RNF38: variants seen among roughly 807,000 people sequenced by gnomAD.
RNF38 encodes the protein ring finger protein 38.
In RNF38, 15 loss-of-function variants were observed where a neutral mutation model predicts 67.2. The ratio of observed to expected loss-of-function variants is 0.22; its 90% confidence interval spans 0.15 to 0.34. The LOEUF (loss-of-function observed/expected upper bound fraction) is 0.34, where lower values mean the gene tolerates loss of function less well. RNF38 is among the 10% of genes least tolerant of loss of function. The pLI is 1.00. For missense variants in RNF38, 524 were observed against 639.9 expected, an observed-to-expected ratio of 0.82 and a Z score of 1.95; for synonymous variants, 220 against 218.8, an observed-to-expected ratio of 1.01 and a Z score of -0.05.
chr9:36,396,973 A>G (rs1044777984), intron 1 of RNF38, among the ~76,000 whole-genome samples: 2 of 149,752 alleles, frequency 1.3e-5, no homozygotes, highest in Non-Finnish European at 3.0e-5. Flanking sequence ...AAAAAAAATC[A>G]TTCTCTCACT....
rs566701796 is a variant in RNF38 at position 36,360,891 on chromosome 9, G to A, written c.571-2949C>T. Among the ~76,000 whole-genome samples the A allele has an allele frequency of 3.3e-5, 5 of 151,922 alleles. No homozygotes were observed. In the East Asian group the frequency reaches 9.7e-4, roughly 29 times the overall value. On this transcript the variant is annotated intron_variant, in intron 4 of 11. Coordinates refer to ENST00000259605, the MANE Select transcript of RNF38 (RefSeq NM_022781.5). ...AGTGGTGCCATCACGGCTCACCATAGCCTCAATCTCCTGGGGCTCAGGTGA... is the reference window on the plus strand; with the variant it reads ...AGTGGTGCCATCACGGCTCACCATAACCTCAATCTCCTGGGGCTCAGGTGA...
chr9:36,418,846 C>T (rs1459707445), intron 2 of RNF38, among the ~76,000 whole-genome samples: 1 of 151,940 alleles, frequency 6.6e-6, no homozygotes, highest in Non-Finnish European at 1.5e-5. Context: ...GCCTGTAATC[C>T]CAGCTACTCG....
chr9:36,342,112 A>G (rs775842816), intron 11 of RNF38, among the ~76,000 whole-genome samples: 1 of 152,170 alleles, frequency 6.6e-6, no homozygotes, highest in Non-Finnish European at 1.5e-5. Context: ...CTGATTGTCA[A>G]GAGGTCATCC....
intron 2 of RNF38, among the ~76,000 whole-genome samples, chr9:36,414,214 T>C (rs1296776216): frequency 6.6e-6 from 1 of 152,228 alleles, no homozygotes; most frequent in East Asian, 1.9e-4. Context: ...CTGTATTCTT[T>C]GTGGAGCATT....
intron 1 of RNF38, among the ~76,000 whole-genome samples, chr9:36,477,322 G>GAA (rs760684192): frequency 1.8e-4 from 23 of 127,276 alleles, no homozygotes; most frequent in Non-Finnish European, 3.8e-4. Context: ...GACTCGTCTG[G>GAA]AAAAAAAAAA....
intron 2 of RNF38, among the ~76,000 whole-genome samples, chr9:36,424,188 G>C (rs1838710572): frequency 6.6e-6 from 1 of 152,064 alleles, no homozygotes; most frequent in South Asian, 2.1e-4. Flanking sequence ...TTTTTTGAAG[G>C]TAAAGTATAA....
chr9:36,454,133 T>TC (rs989070403), intron 1 of RNF38, among the ~76,000 whole-genome samples: 7 of 152,082 alleles, frequency 4.6e-5, no homozygotes, highest in Non-Finnish European at 8.8e-5. Flanking sequence ...TCATACTTTT[T>TC]TTTTTTTTGA....
chr9:36,475,756 G>A lies in RNF38; in HGVS notation n.241+11552C>T, dbSNP rs955492829. Among the ~76,000 whole-genome samples the A allele has an allele frequency of 8.7e-5, 13 of 149,790 alleles. 1 individual carries two copies. Among genetic ancestry groups the A allele is most frequent in the East Asian group, 4.1e-4 (2 of 4,888 alleles). On this transcript the variant is annotated intron_variant and non_coding_transcript_variant, in intron 1 of 3. Coordinates refer to the RNF38 transcript ENST00000488058. ...AAACTAGCCGGGTGCGGTGGCTCACGCCTGTAATCCCAGCACTTTGGGAGG... is the reference window on the plus strand; with the variant it reads ...AAACTAGCCGGGTGCGGTGGCTCACACCTGTAATCCCAGCACTTTGGGAGG...
chr9:36,451,688 C>G (rs1368500000), intron 1 of RNF38, among the ~76,000 whole-genome samples: 1 of 151,116 alleles, frequency 6.6e-6, no homozygotes, highest in Non-Finnish European at 1.5e-5. Flanking sequence ...TTAGTAGAGA[C>G]TGGGTTTCTC....
chr9:36,487,030 C>CT (rs1259884036), intron 1 of RNF38, among the ~76,000 whole-genome samples: 1 of 152,180 alleles, frequency 6.6e-6, no homozygotes, highest in East Asian at 1.9e-4. Context: ...ACTTCCCCCT[C>CT]TAAGCCTCGG....
Position 36,374,943 on chromosome 9 carries a change from A to G in RNF38, c.356+991T>C, listed in dbSNP as rs141637242. 2.8e-3 allele frequency among the ~76,000 whole-genome samples: 420 copies of G among 152,278 alleles called. 2 individuals carry two copies. Among genetic ancestry groups the G allele is most frequent in the African/African-American group, 8.8e-3 (366 of 41,558 alleles). ...ACATTAATTGGGGAGGAGGGGTTAC[A>G]AACATTTGGTCTGCAACACCTTCCT... On this transcript the variant is annotated intron_variant, in intron 3 of 11. Coordinates refer to ENST00000259605, the MANE Select transcript of RNF38 (RefSeq NM_022781.5).
chr9:36,387,908 T>C (rs1329693735), intron 2 of RNF38, among the ~76,000 whole-genome samples: 1 of 151,432 alleles, frequency 6.6e-6, no homozygotes, highest in East Asian at 1.9e-4. Flanking sequence ...AACAGGAAAC[T>C]ACCCAAATGT....
chr9:36,481,892 A>T (rs1249056183), intron 1 of RNF38, among the ~76,000 whole-genome samples: 1 of 152,162 alleles, frequency 6.6e-6, no homozygotes, highest in African/African-American at 2.4e-5. Context: ...AAAATTAGCT[A>T]AAAAGCCTCA....
intron 1 of RNF38, among the ~76,000 whole-genome samples, chr9:36,398,636 G>C (rs1194638644): frequency 6.6e-6 from 1 of 152,154 alleles, no homozygotes; most frequent in Non-Finnish European, 1.5e-5. Context: ...CAATCTGTTC[G>C]CTCTTTCCAG....
At chr9:36,404,887 G>A (rs1456790609), upstream of RNF38, among the ~76,000 whole-genome samples, 4 of 150,856 alleles carry the variant, frequency 2.7e-5, no homozygotes, top group Non-Finnish European at 4.4e-5. Context: ...AAAAACTGTC[G>A]ACATTTAAGT....
exon 1 of RNF38, chr9:36,487,409 C>A: frequency 1.0e-6 from 1 of 981,682 alleles, no homozygotes; most frequent in Non-Finnish European, 1.2e-6. Flanking sequence ...GGGCTCCGGC[C>A]GGGGCGGCGG....
chr9:36,384,316 G>GC (rs1836432560), intron 2 of RNF38, among the ~76,000 whole-genome samples: 1 of 152,190 alleles, frequency 6.6e-6, no homozygotes, highest in South Asian at 2.1e-4. Flanking sequence ...GAGATACCCC[G>GC]CCTGGAGGTG....
At chr9:36,482,048 C>CTTTTTTTT (rs767211095) in intron 1 of RNF38, among the ~76,000 whole-genome samples, 10 of 119,288 alleles carry the variant, frequency 8.4e-5, no homozygotes, top group Non-Finnish European at 1.4e-4. Flanking sequence ...ATACTTTTGT[C>CTTTTTTTT]TTTTTTTTTT....
intron 1 of RNF38, among the ~76,000 whole-genome samples, chr9:36,393,184 T>C (rs950076565): frequency 6.6e-6 from 1 of 152,140 alleles, no homozygotes; most frequent in Admixed American, 6.5e-5. Flanking sequence ...AAAAGACAAA[T>C]CAAGGTTATG....
Sources: gnomAD v4.1 joint callset for allele counts (sites outside exome capture counted in the v4.1 genomes callset) on GRCh38, gnomAD v4.1.1 for gene constraint, MANE v1.5 for transcripts, NCBI Gene and HGNC (gene_info 2026-07-23, HGNC 2026-07-21) for gene names.